The following WDFY2 variants were observed in gnomAD, a reference collection of about 807,000 sequenced individuals.
The protein encoded by WDFY2 is WD repeat and FYVE domain-containing protein 2.
In WDFY2, 36 loss-of-function variants were observed where a neutral mutation model predicts 56.4. The observed-to-expected ratio is 0.64, with a 90% CI of 0.49 to 0.84. The LOEUF (loss-of-function observed/expected upper bound fraction) is 0.84. WDFY2 is among the 40% of genes least tolerant of loss of function. The probability of loss-of-function intolerance (pLI) is 0.00; values close to 1 mark genes in which losing one functional copy is unlikely to be tolerated. For synonymous variants in WDFY2, 176 were observed against 183.7 expected, an observed-to-expected ratio of 0.96 and a Z score of 0.34; for missense variants, 444 against 512.2, an observed-to-expected ratio of 0.87 and a Z score of 1.29.
intron 1 of WDFY2, among the ~76,000 whole-genome samples, chr13:51,647,687 T>C (rs1393466244): frequency 1.3e-5 from 2 of 150,118 alleles, no homozygotes; most frequent in Admixed American, 1.3e-4. Flanking sequence ...TTGAGTTCAG[T>C]AGTTCAAAGT....
rs563245193 is a variant in WDFY2, at chr13:51,740,802, T to C, written c.725+1627T>C. 2.6e-5 allele frequency among the ~76,000 whole-genome samples: 4 copies of C among 152,202 alleles called. No individual in the cohort carries two copies. In the South Asian group the frequency reaches 8.3e-4, roughly 32 times the overall value. On this transcript the variant is annotated intron_variant, in intron 7 of 11. Coordinates refer to ENST00000298125, the MANE Select transcript of WDFY2 (RefSeq NM_052950.4). ...AGGAAATTCCTGCCAACTTGGACTC[T>C]CTCAGAGAAGTGAAATGCAGGTCTT...
intron 6 of WDFY2, among the ~76,000 whole-genome samples, chr13:51,737,945 G>C (rs1952878418): frequency 6.6e-6 from 1 of 152,196 alleles, no homozygotes; most frequent in Non-Finnish European, 1.5e-5. Context: ...GAATAGTAGA[G>C]TTTGGGGTTC....
rs71749521 is a variant in WDFY2, at chr13:51,720,942, T to TTCTCTC, written c.485+1618_485+1623dup. On this transcript the variant is annotated intron_variant, in intron 5 of 11. Transcript: ENST00000298125. ...TTTGGGGAGACATAATCATTCTGTC[T>TTCTCTC]TCTCTCTCTCTCTCTCTCTCTCTCT... Among the ~76,000 whole-genome samples, 729 of 147,948 alleles carry TTCTCTC rather than the reference T, an allele frequency of 4.9e-3. 3 individuals carry two copies. Among genetic ancestry groups the TTCTCTC allele is most frequent in the African/African-American group, 0.014 (580 of 40,130 alleles).
chr13:51,587,530 T>C (rs1374784530), intron 1 of WDFY2: 2 of 152,230 alleles, frequency 1.3e-5, no homozygotes, highest in Non-Finnish European at 2.9e-5. Context: ...TATACACTTG[T>C]AGGAAAAGTA....
rs755009706 is a variant in WDFY2 at position 51,584,691 on chromosome 13, G to A, written c.4G>A (p.Ala2Thr). 2.5e-6 allele frequency: 4 copies of A among 1,611,290 alleles called. No individual in the cohort carries two copies. The South Asian group carries it at 3.3e-5, about 13-fold the overall frequency. Reference sequence around the variant, plus strand: ...CCCAGGCGCGCCCCCTCCTCCGATGGCGGCGGAGATCCAGCCCAAGCCTCT... The same window carrying A: ...CCCAGGCGCGCCCCCTCCTCCGATGACGGCGGAGATCCAGCCCAAGCCTCT... M[A>T]AEIQPKPLTR... The change falls in exon 1 of 12, where the codon GCG (alanine) becomes ACG (threonine). Residue 2 changes from alanine (A) to threonine (T), a missense_variant. Physicochemically the swap from Ala to Thr is moderately conservative, Grantham distance 58. Transcript: ENST00000298125.
At position 51,698,581 on chromosome 13, in the gene WDFY2, T is replaced by TA. The variant is rs535801375; in HGVS notation, c.280-5013dup. Among the ~76,000 whole-genome samples, 366 of 152,342 alleles carry TA rather than the reference T, an allele frequency of 2.4e-3. 1 individual carries two copies. The highest frequency in any genetic ancestry group is 4.5e-3 in the Non-Finnish European group (309 of 68,044). ...GGTGTTAAATGCTGCAATAGCATACTAATGCTATTAATACACGTGTATCCC... is the reference window on the plus strand; with the variant it reads ...GGTGTTAAATGCTGCAATAGCATACTAAATGCTATTAATACACGTGTATCCC... On this transcript the variant is annotated intron_variant, in intron 3 of 11. Coordinates refer to ENST00000298125, the MANE Select transcript of WDFY2 (RefSeq NM_052950.4).
At chr13:51,652,876 A>G (rs1213385489) in intron 1 of WDFY2, among the ~76,000 whole-genome samples, 1 of 151,920 alleles carries the variant, frequency 6.6e-6, no homozygotes, top group Non-Finnish European at 1.5e-5. Flanking sequence ...TCTGATAATT[A>G]TGTGTCTTGG....
chr13:51,724,402 T>C (rs1952560295), intron 5 of WDFY2, among the ~76,000 whole-genome samples: 1 of 151,974 alleles, frequency 6.6e-6, no homozygotes. Context: ...CGCGCCCAGC[T>C]AATTTTTTGT....
intron 4 of WDFY2, among the ~76,000 whole-genome samples, chr13:51,707,939 C>CTTTTTTTTTTTTTTTTTTTTTTTTTTTT (rs56054205): frequency 1.7e-5 from 1 of 57,570 alleles, no homozygotes; most frequent in Non-Finnish European, 3.0e-5. Context: ...CCTAAAACAA[C>CTTTTTTTTTTTTTTTTTTTTTTTTTTTT]TTTTTTTTTT....
At chr13:51,720,094 C>T (rs1952453769) in intron 5 of WDFY2, among the ~76,000 whole-genome samples, 1 of 152,138 alleles carries the variant, frequency 6.6e-6, no homozygotes, top group Non-Finnish European at 1.5e-5. Flanking sequence ...TTTTTATCTT[C>T]TGACAAATTG....
intron 6 of WDFY2, among the ~76,000 whole-genome samples, chr13:51,728,427 T>C (rs1480718973): frequency 6.6e-6 from 1 of 152,200 alleles, no homozygotes; most frequent in Non-Finnish European, 1.5e-5. Flanking sequence ...TTTTTACTAG[T>C]AGTTTTAACG....
chr13:51,751,830 A>G (rs946859440), intron 8 of WDFY2, among the ~76,000 whole-genome samples: 3 of 152,232 alleles, frequency 2.0e-5, no homozygotes, highest in Admixed American at 6.5e-5. Context: ...AATACTAGAA[A>G]TAATTATTTT....
chr13:51,604,087 T>C (rs1337084562), intron 1 of WDFY2, among the ~76,000 whole-genome samples: 7 of 152,176 alleles, frequency 4.6e-5, no homozygotes, highest in Admixed American at 2.0e-4. Context: ...GTGTGAAATA[T>C]TTACATGTTT....
At position 51,683,838 on chromosome 13, in the gene WDFY2, G is replaced by C. The variant is rs561437818; in HGVS notation, c.279+8595G>C. On this transcript the variant is annotated intron_variant, in intron 3 of 11. Transcript: ENST00000298125. ...TCCTAGTCTCTGGGGTTTAGTGCTG[G>C]GGTTAAATGCTGGGCTTGTATGTCT... Among the ~76,000 whole-genome samples, 292 of 152,238 alleles carry C rather than the reference G, an allele frequency of 1.9e-3. 2 individuals are homozygous for C. The highest frequency in any genetic ancestry group is 6.5e-3 in the African/African-American group (272 of 41,538).
chr13:51,726,900 C>T (rs1049229420), intron 5 of WDFY2, among the ~76,000 whole-genome samples: 4 of 152,092 alleles, frequency 2.6e-5, no homozygotes, highest in African/African-American at 9.7e-5. Flanking sequence ...ACATAAATTG[C>T]AAATATTTTT....
chr13:51,672,671 TC>T (rs1193962099), intron 2 of WDFY2, among the ~76,000 whole-genome samples: 3 of 152,202 alleles, frequency 2.0e-5, no homozygotes, highest in African/African-American at 7.2e-5. Flanking sequence ...ATTCTACCCA[TC>T]CATGAGCATG....
intron 1 of WDFY2, among the ~76,000 whole-genome samples, chr13:51,614,344 T>C (rs899631710): frequency 6.6e-6 from 1 of 152,246 alleles, no homozygotes; most frequent in Admixed American, 6.5e-5. Flanking sequence ...ATATATAGTT[T>C]AGATTCTAGA....
chr13:51,627,858 A>G (rs1954866809), intron 1 of WDFY2, among the ~76,000 whole-genome samples: 1 of 151,926 alleles, frequency 6.6e-6, no homozygotes. Flanking sequence ...CAGAGAGGAG[A>G]CCCACAGTGG....
At chr13:51,696,297 C>T (rs559572340) in intron 3 of WDFY2, among the ~76,000 whole-genome samples, 1 of 152,330 alleles carries the variant, frequency 6.6e-6, no homozygotes, top group Admixed American at 6.5e-5. Flanking sequence ...TAGACCAGAG[C>T]TGTTCCTTTT....
Sources: allele counts gnomAD v4.1 joint callset (sites outside exome capture counted in the v4.1 genomes callset), GRCh38; gene constraint gnomAD v4.1.1; transcripts MANE v1.5; gene names NCBI Gene and HGNC (gene_info 2026-07-23, HGNC 2026-07-21).